Variants in UGT1A6 observed in about 807,000 individuals in gnomAD.
UGT1A6 encodes UDP glucuronosyltransferase family 1 member A6.
Under a neutral mutation model 44.4 loss-of-function variants are expected in UGT1A6, and 32 were observed. The ratio of observed to expected loss-of-function variants is 0.72; its 90% CI spans 0.54 to 0.97. The LOEUF (loss-of-function observed/expected upper bound fraction) is 0.97. Among genes scored for constraint, UGT1A6 ranks in the 50% least tolerant of loss-of-function variants. UGT1A6 has a pLI of 0.00. For synonymous variants in UGT1A6, 238 were observed against 248.5 expected, an observed-to-expected ratio of 0.96 and a Z score of 0.40; for missense variants, 685 against 661.9, an observed-to-expected ratio of 1.03 and a Z score of -0.38.
chr2:233,757,535 AAT>A (rs67292694), intron 1 of UGT1A6, among the ~76,000 whole-genome samples: 3,097 of 88,180 alleles, frequency 0.035, 322 homozygotes, highest in African/African-American at 0.14. Context: ...GCCTGTAAGG[AAT>A]ATATATATAT....
intron 1 of UGT1A6, among the ~76,000 whole-genome samples, chr2:233,696,839 C>T (rs1177770850): frequency 6.6e-6 from 1 of 152,168 alleles, no homozygotes. Flanking sequence ...CATAAAGGGA[C>T]GTTGAATTTT....
chr2:233,714,426 AAC>A (rs1430757538), intron 1 of UGT1A6, among the ~76,000 whole-genome samples: 5 of 152,176 alleles, frequency 3.3e-5, no homozygotes, highest in Non-Finnish European at 5.9e-5. Flanking sequence ...CAGAGAATGA[AAC>A]ACAGAGTTCA....
intron 1 of UGT1A6, chr2:233,760,440 G>A (rs1697447579): frequency 6.2e-7 from 1 of 1,614,228 alleles, no homozygotes; most frequent in Non-Finnish European, 8.5e-7. Flanking sequence ...AGCAGCTGCA[G>A]CAGAGGGGAC....
chr2:233,747,400 C>A (rs1293984424), intron 1 of UGT1A6: 3 of 1,606,860 alleles, frequency 1.9e-6, no homozygotes, highest in Non-Finnish European at 2.6e-6. Flanking sequence ...GTCCTCACCC[C>A]AGAGGTGAAT....
chr2:233,751,076 G>A (rs1694634911), intron 1 of UGT1A6, among the ~76,000 whole-genome samples: 1 of 151,954 alleles, frequency 6.6e-6, no homozygotes, highest in Non-Finnish European at 1.5e-5. Context: ...GCCAGCCTCT[G>A]AAGGCAGCCA....
chr2:233,757,975 AG>A (rs1275184498), intron 1 of UGT1A6, among the ~76,000 whole-genome samples: 1 of 152,126 alleles, frequency 6.6e-6, no homozygotes, highest in Non-Finnish European at 1.5e-5. Flanking sequence ...CTCAGCCCCT[AG>A]AGCACCATCC....
At chr2:233,726,270 A>G (rs6711351) in intron 1 of UGT1A6, among the ~76,000 whole-genome samples, 81,704 of 152,100 alleles carry the variant, frequency 0.54, 23,602 homozygotes, top group African/African-American at 0.76. Context: ...GCATGCGCCT[A>G]TGGTCCCAGG....
chr2:233,703,749 A>G, intron 1 of UGT1A6, among the ~76,000 whole-genome samples: 1 of 151,980 alleles, frequency 6.6e-6, no homozygotes, highest in Non-Finnish European at 1.5e-5. Context: ...TTAAATCTCA[A>G]ATGTATCTTC....
intron 1 of UGT1A6, among the ~76,000 whole-genome samples, chr2:233,711,929 A>C (rs1575497188): frequency 6.6e-6 from 1 of 152,234 alleles, no homozygotes; most frequent in East Asian, 1.9e-4. Flanking sequence ...GGGTCTCTCC[A>C]TTAGAAAGGC....
intron 1 of UGT1A6, among the ~76,000 whole-genome samples, chr2:233,716,003 G>A (rs1213854851): frequency 6.6e-6 from 1 of 152,118 alleles, no homozygotes; most frequent in African/African-American, 2.4e-5. Context: ...AACCCAAAAT[G>A]ACTTTAATCT....
intron 1 of UGT1A6, among the ~76,000 whole-genome samples, chr2:233,756,648 T>A (rs1349644658): frequency 6.6e-6 from 1 of 152,160 alleles, no homozygotes; most frequent in East Asian, 1.9e-4. Flanking sequence ...GGGATAAACA[T>A]GGGATGCAGT....
chr2:233,741,163 A>G (rs1015106485), intron 1 of UGT1A6, among the ~76,000 whole-genome samples: 3 of 151,960 alleles, frequency 2.0e-5, no homozygotes, highest in Non-Finnish European at 2.9e-5. Flanking sequence ...AATCCAGGAT[A>G]TATCAAAACT....
chr2:233,760,503 A>G, intron 1 of UGT1A6: 1 of 1,614,262 alleles, frequency 6.2e-7, no homozygotes, highest in Non-Finnish European at 8.5e-7. Flanking sequence ...GAGACGGAGC[A>G]TTTTACACCT....
At chr2:233,755,288 C>T in intron 1 of UGT1A6, 1 of 652,734 alleles carries the variant, frequency 1.5e-6, no homozygotes, top group Non-Finnish European at 2.4e-6. Flanking sequence ...GCCAAAGAGC[C>T]TGCGGGGCAC....
intron 1 of UGT1A6, among the ~76,000 whole-genome samples, chr2:233,737,833 T>A (rs1346055905): frequency 6.6e-6 from 1 of 152,174 alleles, no homozygotes; most frequent in African/African-American, 2.4e-5. Flanking sequence ...AATTGGGAAC[T>A]GTGGCACAGG....
intron 1 of UGT1A6, chr2:233,755,115 G>A: frequency 1.5e-6 from 2 of 1,331,678 alleles, no homozygotes; most frequent in Non-Finnish European, 2.0e-6. Context: ...CACCTCGTAG[G>A]CCTCAGCCAC....
chr2:233,729,228 G>C (rs752170717), intron 1 of UGT1A6: 18 of 1,614,046 alleles, frequency 1.1e-5, no homozygotes, highest in Non-Finnish European at 1.5e-5. Context: ...TGTTGGTGGT[G>C]CCCATTGATG....
At position 233,768,045 on chromosome 2, in the gene UGT1A6, A is replaced by G. The variant is rs1699553884; in HGVS notation, c.1081+109A>G. 10 of 1,608,356 alleles carry G rather than the reference A, an allele frequency of 6.2e-6. No individual in the cohort carries two copies. The Admixed American group carries it at 1.5e-4, about 25-fold the overall frequency. On this transcript the variant is annotated intron_variant, in intron 3 of 4. Coordinates refer to ENST00000305139, the MANE Select transcript of UGT1A6 (RefSeq NM_001072.4). ...TGAGCTTGAAAATATTATGGCCAAC[A>G]TATCCTACATTGCTTTTTATCTAGT...
At chr2:233,771,009 A>G (rs1251253785) in intron 4 of UGT1A6, 3 of 152,198 alleles carry the variant, frequency 2.0e-5, no homozygotes, top group Non-Finnish European at 4.4e-5. Flanking sequence ...TGGCAAAAGC[A>G]GGAGCGAGAG....
Sources: allele counts gnomAD v4.1 joint callset (sites outside exome capture counted in the v4.1 genomes callset), GRCh38; gene constraint gnomAD v4.1.1; transcripts MANE v1.5; gene names NCBI Gene and HGNC (gene_info 2026-07-23, HGNC 2026-07-21).